The following KIAA1549 variants were observed in gnomAD, a reference collection of about 807,000 sequenced individuals.
KIAA1549 encodes KIAA1549.
A neutral mutation model predicts 156.4 loss-of-function variants in KIAA1549; 70 were observed. The ratio of observed to expected loss-of-function variants is 0.45; its 90% CI spans 0.37 to 0.55. The LOEUF (loss-of-function observed/expected upper bound fraction) is 0.55. Among genes scored for constraint, KIAA1549 ranks in the 20% least tolerant of loss-of-function variants. The pLI, the probability that KIAA1549 is intolerant of heterozygous loss-of-function variation, is 0.00. For synonymous variants in KIAA1549, 1,103 were observed against 1,066.4 expected, an observed-to-expected ratio of 1.03 and a Z score of -0.67; for missense variants, 2,428 against 2,540.9, an observed-to-expected ratio of 0.96 and a Z score of 0.96.
chr7:138,942,772 T>C (rs764860622), intron 1 of KIAA1549, among the ~76,000 whole-genome samples: 2 of 152,042 alleles, frequency 1.3e-5, no homozygotes, highest in Non-Finnish European at 2.9e-5. Context: ...TAGCCAGGCA[T>C]GGTGGCGGGC....
intron 2 of KIAA1549, among the ~76,000 whole-genome samples, chr7:138,916,171 G>A (rs1812315296): frequency 6.6e-6 from 1 of 152,202 alleles, no homozygotes; most frequent in African/African-American, 2.4e-5. Flanking sequence ...CATTTACAGG[G>A]ACCTATGAGA....
In KIAA1549 at chr7:138,917,360, C is replaced by T. The variant is rs1812363602; in HGVS notation, c.2266G>A (p.Glu756Lys). 3.1e-6 allele frequency: 5 copies of T among 1,613,896 alleles called. No homozygotes were observed. Among genetic ancestry groups the T allele is most frequent in the Non-Finnish European group, 4.2e-6 (5 of 1,179,864 alleles). Residue 756 changes from glutamate (E) to lysine (K), a missense_variant, in exon 2 of 20, where the codon GAG becomes AAG. Physicochemically the swap from Glu to Lys is moderately conservative, Grantham distance 56 (BLOSUM62 1). Coordinates refer to ENST00000422774, the MANE Select transcript of KIAA1549 (RefSeq NM_001164665.2). ...SAFIETTSYL[E>K]SSLISHESAV... ...GATTCATGGGAAATGAGTGAAGACT[C>T]AAGATAGGAGGTAGTTTCAATGAAA...
At chr7:138,935,193 A>G (rs1000728763) in intron 1 of KIAA1549, among the ~76,000 whole-genome samples, 1 of 152,226 alleles carries the variant, frequency 6.6e-6, no homozygotes, top group South Asian at 2.1e-4. Flanking sequence ...AAGGCTTTTA[A>G]AAATTCAACT....
At chr7:138,895,780 T>G (rs531252933) in intron 9 of KIAA1549, among the ~76,000 whole-genome samples, 2 of 152,258 alleles carry the variant, frequency 1.3e-5, no homozygotes, top group South Asian at 4.2e-4. Context: ...CTTCACTGTG[T>G]TAATTTGGAA....
intron 16 of KIAA1549, 62 bp downstream of exon 16, chr7:138,861,077 C>T (rs1311425267): frequency 1.3e-6 from 2 of 1,544,926 alleles, no homozygotes; most frequent in Non-Finnish European, 1.8e-6. Flanking sequence ...GAAAGTCAGG[C>T]AGTCAGGCAA....
rs755357604 is a variant in KIAA1549 at position 138,894,415 on chromosome 7, T to G, written c.3959A>C (p.Tyr1320Ser). 1.2e-6 allele frequency: 2 copies of G among 1,614,010 alleles called. No individual in the cohort carries two copies. The highest frequency in any genetic ancestry group is 3.3e-5 in the Admixed American group (2 of 60,028). The change falls in exon 10 of 20, where the codon TAC (tyrosine) becomes TCC (serine). Residue 1320 changes from tyrosine (Y) to serine (S), a missense_variant. Physicochemically the swap from Tyr to Ser is moderately radical, Grantham distance 144. Coordinates refer to ENST00000422774, the MANE Select transcript of KIAA1549 (RefSeq NM_001164665.2). ...CTTGTCTGTGCGGCATAGTTTCCAG[T>G]AGAGGATGACAACAATCACCATCAC... ...LVVMVIVVIL[Y>S]WKLCRTDKLD...
chr7:138,951,751 G>A (rs1813505402), intron 1 of KIAA1549, among the ~76,000 whole-genome samples: 1 of 152,168 alleles, frequency 6.6e-6, no homozygotes, highest in Admixed American at 6.5e-5. Flanking sequence ...TGAACCAACA[G>A]AAATTCTATA....
intron 15 of KIAA1549, among the ~76,000 whole-genome samples, chr7:138,864,612 C>A (rs1018407753): frequency 6.6e-5 from 10 of 152,188 alleles, no homozygotes; most frequent in Admixed American, 5.2e-4. Flanking sequence ...AAATGTACAT[C>A]TTTTCACTGT....
chr7:138,918,114 A>G lies in KIAA1549; in HGVS notation c.1512T>C (p.Ser504=). ...TATCCACCTCGGCAGAAATGCCAAC[A>G]CTCGTCTCTGAGATTTCCATGGATC... is the stretch of plus-strand genomic sequence containing the variant. ...SSRSMEISET[S]VGISAEVDMS... The change falls in exon 2 of 20, where the codon AGT becomes AGC. Residue 504 remains serine, a synonymous_variant. Transcript: ENST00000422774. This position sits in a 1 kb window ranked among gnomAD's most constrained non-coding sequence, Gnocchi z 4.2. 1 of 1,613,880 alleles carries G rather than the reference A, an allele frequency of 6.2e-7. No homozygotes were observed. The highest frequency in any genetic ancestry group is 1.1e-5 in the South Asian group (1 of 91,064).
intron 1 of KIAA1549, among the ~76,000 whole-genome samples, chr7:138,929,463 G>C (rs985651530): frequency 1.3e-5 from 2 of 152,168 alleles, no homozygotes; most frequent in African/African-American, 4.8e-5. Flanking sequence ...CTCCACTGAA[G>C]TCTTGAATGC....
At chr7:138,933,575 C>A (rs751282108) in intron 1 of KIAA1549, among the ~76,000 whole-genome samples, 11 of 152,190 alleles carry the variant, frequency 7.2e-5, no homozygotes, top group Non-Finnish European at 1.2e-4. Flanking sequence ...ATTGTGGTAA[C>A]CCCACTATGA....
At chr7:138,934,576 TGCCGGAGATGAGAGCTTGCAGGCCTCGG>T (rs539206385) in intron 1 of KIAA1549, among the ~76,000 whole-genome samples, 3 of 151,982 alleles carry the variant, frequency 2.0e-5, no homozygotes, top group Non-Finnish European at 4.4e-5. Context: ...TAATAGAGAG[TGCCGGAGATGAGAGCTTGCAGGCCTCGG>T]GCCGCATCCC....
intron 1 of KIAA1549, among the ~76,000 whole-genome samples, chr7:138,931,771 A>G (rs1474758809): frequency 2.1e-5 from 3 of 144,764 alleles, no homozygotes; most frequent in East Asian, 2.0e-4. Flanking sequence ...AAAAAAAAAA[A>G]AAGAAGGTCT....
At chr7:138,847,902 T>C (rs964608489) in intron 17 of KIAA1549, among the ~76,000 whole-genome samples, 1 of 145,764 alleles carries the variant, frequency 6.9e-6, no homozygotes, top group Non-Finnish European at 1.5e-5. Context: ...CTTAAAAGTC[T>C]TTGGTTAGAT....
chr7:138,860,878 G>A (rs1479259628), intron 16 of KIAA1549, among the ~76,000 whole-genome samples: 5 of 152,240 alleles, frequency 3.3e-5, no homozygotes, highest in Admixed American at 1.3e-4. Context: ...ATCCCCCTCC[G>A]TTCCTCCACA....
At chr7:138,858,930 C>T (rs555951515) in intron 16 of KIAA1549, among the ~76,000 whole-genome samples, 6 of 151,846 alleles carry the variant, frequency 4.0e-5, no homozygotes, top group Non-Finnish European at 7.4e-5. Context: ...GGCGTGAACC[C>T]GGGAGGTGGA....
At chr7:138,911,429 G>C in intron 3 of KIAA1549, 106 bp from the exon 4 acceptor site, 1 of 817,734 alleles carries the variant, frequency 1.2e-6, no homozygotes, top group Non-Finnish European at 1.9e-6. Context: ...TGAATGAAGG[G>C]GTAGTGCATC....
intron 1 of KIAA1549, among the ~76,000 whole-genome samples, chr7:138,938,331 A>T (rs1485500034): frequency 6.6e-6 from 1 of 152,194 alleles, no homozygotes; most frequent in Non-Finnish European, 1.5e-5. Context: ...CACACATCAA[A>T]TTGAGTTCTG....
chr7:138,860,026 T>C (rs1374187387), intron 16 of KIAA1549, among the ~76,000 whole-genome samples: 1 of 152,204 alleles, frequency 6.6e-6, no homozygotes, highest in African/African-American at 2.4e-5. Flanking sequence ...AGCAGGTGCT[T>C]TGTAAATATA....
Sources: allele counts gnomAD v4.1 joint callset (sites outside exome capture counted in the v4.1 genomes callset), GRCh38; gene constraint gnomAD v4.1.1; non-coding constraint Gnocchi (gnomAD v3.1); transcripts MANE v1.5; gene names NCBI Gene and HGNC (gene_info 2026-07-23, HGNC 2026-07-21).